COL19A1: variants seen among roughly 807,000 people sequenced by gnomAD.
COL19A1 encodes collagen alpha-1(XIX) chain.
In COL19A1, 159 loss-of-function variants were observed where a neutral mutation model predicts 190.2. That is an observed-to-expected ratio of 0.84 (90% CI 0.73 to 0.95). The LOEUF is 0.95. Among genes scored for constraint, COL19A1 ranks in the 40% least tolerant of loss-of-function variants. The pLI is 0.00. For synonymous variants in COL19A1, 509 were observed against 458.9 expected (o/e 1.11, Z -1.39); for missense variants, 1,418 against 1,431.9 (o/e 0.99, Z 0.16).
intron 39 of COL19A1, 109 bp downstream of exon 39, chr6:70,168,324 C>T: frequency 9.3e-7 from 1 of 1,070,386 alleles, no homozygotes; most frequent in East Asian, 2.5e-5. Flanking sequence ...ATGAATACAG[C>T]CAAATTTTAC....
At chr6:70,090,541 CCA>C (rs760502055) in intron 15 of COL19A1, among the ~76,000 whole-genome samples, 1 of 151,988 alleles carries the variant, frequency 6.6e-6, no homozygotes, top group Non-Finnish European at 1.5e-5. Flanking sequence ...AACAAATCTC[CCA>C]CAGATACCAA....
At chr6:70,052,590 TC>T (rs1780267389) in intron 14 of COL19A1, among the ~76,000 whole-genome samples, 1 of 152,188 alleles carries the variant, frequency 6.6e-6, no homozygotes, top group Admixed American at 6.6e-5. Flanking sequence ...TCATTCCATT[TC>T]TTGTAGAATG....
intron 11 of COL19A1, among the ~76,000 whole-genome samples, chr6:69,985,464 C>A (rs899310134): frequency 6.6e-6 from 1 of 152,014 alleles, no homozygotes; most frequent in African/African-American, 2.4e-5. Flanking sequence ...ACTTTTCAGT[C>A]AGGTCTATTG....
intron 1 of COL19A1, among the ~76,000 whole-genome samples, chr6:69,870,004 C>A (rs1582234039): frequency 6.6e-6 from 1 of 152,058 alleles, no homozygotes. Flanking sequence ...ATTTTTTTGT[C>A]CCACTAAGTA....
intron 15 of COL19A1, among the ~76,000 whole-genome samples, chr6:70,083,422 A>G (rs1782395578): frequency 6.6e-6 from 1 of 152,154 alleles, no homozygotes; most frequent in Non-Finnish European, 1.5e-5. Flanking sequence ...ACTGGAATTT[A>G]TACTTCATAT....
intron 27 of COL19A1, among the ~76,000 whole-genome samples, chr6:70,148,734 C>T (rs567160116): frequency 6.6e-6 from 1 of 152,232 alleles, no homozygotes; most frequent in South Asian, 2.1e-4. Flanking sequence ...TGAGACCAGT[C>T]TGGCCAACAC....
intron 14 of COL19A1, among the ~76,000 whole-genome samples, chr6:70,050,717 C>T (rs921135925): frequency 6.6e-6 from 1 of 152,078 alleles, no homozygotes; most frequent in Non-Finnish European, 1.5e-5. Context: ...CAGGTGGTCA[C>T]CTTCTCCCAT....
chr6:69,966,478 C>T (rs1425110269), intron 11 of COL19A1, among the ~76,000 whole-genome samples: 3 of 152,148 alleles, frequency 2.0e-5, no homozygotes, highest in East Asian at 1.9e-4. Flanking sequence ...CCCCCAACCC[C>T]GTGCTCTCTG....
intron 12 of COL19A1, among the ~76,000 whole-genome samples, chr6:70,033,312 A>G (rs1320694627): frequency 6.6e-6 from 1 of 152,182 alleles, no homozygotes; most frequent in Non-Finnish European, 1.5e-5. Flanking sequence ...ATGTCAGGGC[A>G]GTAATAGCCG....
rs1252995959 is a variant in COL19A1 at position 70,010,578 on chromosome 6, C to T, written c.1027-13049C>T. Reference sequence around the variant, plus strand: ...GCAAGGGGTCAGGGAGTTCCCTTTCCGAGTCAAAGAAAGGGGTGACGGACG... The same window carrying T: ...GCAAGGGGTCAGGGAGTTCCCTTTCTGAGTCAAAGAAAGGGGTGACGGACG... On this transcript the variant is annotated intron_variant, in intron 11 of 50. Coordinates refer to ENST00000620364, the MANE Select transcript of COL19A1 (RefSeq NM_001858.6). Among the ~76,000 whole-genome samples, 8 of 141,504 alleles carry T rather than the reference C, an allele frequency of 5.7e-5. 1 individual carries two copies. The highest frequency in any genetic ancestry group is 1.0e-4 in the Non-Finnish European group (7 of 66,690). The allele number at this position is 141,504 out of a possible 152,430, so 92.8% of individuals were successfully genotyped here.
intron 17 of COL19A1, among the ~76,000 whole-genome samples, chr6:70,127,722 T>C (rs929496157): frequency 2.0e-5 from 3 of 152,242 alleles, no homozygotes; most frequent in African/African-American, 7.2e-5. Flanking sequence ...GCAGGGAAAC[T>C]TCCCTTTATA....
intron 42 of COL19A1, 108 bp from the exon 43 acceptor site, chr6:70,180,204 C>T: frequency 2.4e-6 from 3 of 1,235,084 alleles, no homozygotes; most frequent in Non-Finnish European, 3.5e-6. Context: ...CACTGGAGAG[C>T]ATCACCCTTG....
At chr6:70,000,999 T>G (rs903101326) in intron 11 of COL19A1, among the ~76,000 whole-genome samples, 1 of 152,212 alleles carries the variant, frequency 6.6e-6, no homozygotes, top group Non-Finnish European at 1.5e-5. Flanking sequence ...TTTATGTTTT[T>G]GGGTTTTACA....
rs3805983 is a variant in COL19A1 at position 69,995,371 on chromosome 6, C to T, written c.1027-28256C>T. On this transcript the variant is annotated intron_variant, in intron 11 of 50. Transcript: ENST00000620364. ...TATCTAATAGTATATTTTCCAAAAGCCTAGCTTTCTAAAAGAGAGTCTTGA... is the reference window on the plus strand; with the variant it reads ...TATCTAATAGTATATTTTCCAAAAGTCTAGCTTTCTAAAAGAGAGTCTTGA... Among the ~76,000 whole-genome samples the T allele has an allele frequency of 5.5e-3, 840 of 152,250 alleles. 19 individuals are homozygous for T. The East Asian group carries it at 0.069, about 12-fold the overall frequency.
At chr6:70,079,013 G>A (rs1287201306) in intron 15 of COL19A1, among the ~76,000 whole-genome samples, 1 of 152,188 alleles carries the variant, frequency 6.6e-6, no homozygotes, top group Non-Finnish European at 1.5e-5. Flanking sequence ...GCTTCAGTGA[G>A]CCGAGCTCAC....
At chr6:70,167,682 T>C (rs1682537016) in intron 37 of COL19A1, among the ~76,000 whole-genome samples, 1 of 152,186 alleles carries the variant, frequency 6.6e-6, no homozygotes, top group Non-Finnish European at 1.5e-5. Context: ...AAACAGTTAG[T>C]ATAAATTGAC....
intron 2 of COL19A1, among the ~76,000 whole-genome samples, chr6:69,881,142 C>G (rs138193987): frequency 1.3e-5 from 2 of 152,130 alleles, no homozygotes; most frequent in Non-Finnish European, 2.9e-5. Context: ...GCAGGTCGTA[C>G]TGGGGTGGGA....
chr6:70,156,532 C>T, intron 33 of COL19A1, 138 bp from the exon 34 acceptor site: 1 of 1,059,942 alleles, frequency 9.4e-7, no homozygotes, highest in Non-Finnish European at 1.4e-6. Context: ...GTAAAAGTCA[C>T]TTGCAAATGT....
In COL19A1 at chr6:70,156,212, A is replaced by T; in HGVS notation, c.2165A>T (p.Tyr722Phe). The change falls in exon 32 of 51, where the codon TAT becomes TTT. Residue 722 changes from tyrosine (Y) to phenylalanine (F), a missense_variant. Tyr to Phe is a conservative substitution (Grantham distance 22, BLOSUM62 3). Transcript: ENST00000620364. ...EEGGAGEPGK[Y>F]DSMARKGDIG... ...GGAGGTGCTGGTGAGCCTGGAAAGT[A>T]TGATTCCATGGCCCGGAAGGTGAGA... 6.2e-7 allele frequency: 1 copy of T among 1,613,374 alleles called. No individual in the cohort carries two copies. The highest frequency in any genetic ancestry group is 8.5e-7 in the Non-Finnish European group (1 of 1,179,586).
Sources: allele counts gnomAD v4.1 joint callset (sites outside exome capture counted in the v4.1 genomes callset), GRCh38; gene constraint gnomAD v4.1.1; transcripts MANE v1.5; gene names NCBI Gene and HGNC (gene_info 2026-07-23, HGNC 2026-07-21).